CFAP97: variants seen among roughly 807,000 people sequenced by gnomAD.
The protein encoded by CFAP97 is cilia and flagella associated protein 97, also known as cilia- and flagella-associated protein 97.
Under a neutral mutation model 43.1 loss-of-function variants are expected in CFAP97, and 36 were observed. The ratio of observed to expected loss-of-function variants is 0.84; its 90% confidence interval spans 0.64 to 1.10. The LOEUF is 1.10. CFAP97 is among the 50% of genes least tolerant of loss of function. The pLI is 0.00. For missense variants in CFAP97, 657 were observed against 620.3 expected (o/e 1.06, Z -0.63); for synonymous variants, 228 against 225.7 (o/e 1.01, Z -0.09).
rs1017246473 is a variant in CFAP97, at chr4:185,191,258, A to G, written c.-16-46T>C. On this transcript the variant is annotated intron_variant, in intron 1 of 4. Transcript: ENST00000458385. ...TCAGACTAAAGAGTGATTTCCAAAT[A>G]CTTTCCATTTGTATACAATAATTAA... The G allele has an allele frequency of 3.1e-6, 4 of 1,292,528 alleles. No individual in the cohort carries two copies. In the African/African-American group the frequency reaches 4.5e-5, roughly 15 times the overall value. The allele number at this position is 1,292,528 out of a possible 1,614,324, so 80.1% of individuals were successfully genotyped here.
chr4:185,191,511 C>A (rs1736253808), intron 1 of CFAP97, among the ~76,000 whole-genome samples: 1 of 152,140 alleles, frequency 6.6e-6, no homozygotes. Flanking sequence ...TAAGGATAAT[C>A]TGCCTTCTAT....
chr4:185,190,199 T>A lies in CFAP97; in HGVS notation c.998A>T (p.His333Leu), dbSNP rs777738621. Reference sequence around the variant, plus strand: ...ATGTAAGACTTTCTGTTTATGTCTGTGGTCTAAACTGGAGTCTAACACTGA... The same window carrying A: ...ATGTAAGACTTTCTGTTTATGTCTGAGGTCTAAACTGGAGTCTAACACTGA... The part of the protein sequence containing the change: ...SSSVLDSSLD[H>L]RHKQKVLHDT... Residue 333 changes from histidine (H) to leucine (L), a missense_variant, in exon 2 of 5, where the codon CAC (histidine) becomes CTC (leucine). By Grantham distance (99) the His-to-Leu change is moderately conservative. Coordinates refer to ENST00000458385, the MANE Select transcript of CFAP97 (RefSeq NM_020827.3). The A allele has an allele frequency of 3.7e-6, 6 of 1,607,364 alleles. No homozygotes were observed. The African/African-American group carries it at 8.1e-5, about 22-fold the overall frequency.
chr4:185,209,641 G>A (rs905287300), upstream of CFAP97: 8 of 702,684 alleles, frequency 1.1e-5, no homozygotes, highest in Non-Finnish European at 1.0e-5. The surrounding 1 kb of genome is among the most constrained non-coding windows in gnomAD (Gnocchi z 5.2). Context: ...CGGCCCGGCA[G>A]CTACGGGCCC....
At chr4:185,202,915 C>A (rs537763594) in intron 1 of CFAP97, among the ~76,000 whole-genome samples, 1 of 151,442 alleles carries the variant, frequency 6.6e-6, no homozygotes, top group African/African-American at 2.4e-5. Context: ...GTAAGTGATT[C>A]AATTTACCAG....
upstream of CFAP97, among the ~76,000 whole-genome samples, chr4:185,207,499 T>G (rs188175389): frequency 1.3e-5 from 2 of 152,288 alleles, no homozygotes; most frequent in African/African-American, 4.8e-5. Context: ...ATTACAAGCT[T>G]GAGCCACCAC....
chr4:185,208,729 AAAAGAAAAAAAG>A (rs1418590472), upstream of CFAP97, among the ~76,000 whole-genome samples: 1 of 149,732 alleles, frequency 6.7e-6, no homozygotes, highest in Non-Finnish European at 1.5e-5. Flanking sequence ...GTCTCAAAAA[AAAAGAAAAAAAG>A]AAAGAAAGAA....
chr4:185,181,230 A>G (rs1735767684), intron 2 of CFAP97, among the ~76,000 whole-genome samples: 1 of 151,610 alleles, frequency 6.6e-6, no homozygotes, highest in African/African-American at 2.4e-5. Flanking sequence ...ACTGCACTCC[A>G]GCATGGGCAA....
In CFAP97 at chr4:185,209,430, C is replaced by T. The variant is rs1737368371; in HGVS notation, c.-179G>A. ...GGAGCGTGGGAAAGAGAGGTGTGCA[C>T]CGCGCTGGGTCGCGCCCTCTCCCCG... On this transcript the variant is annotated 5_prime_UTR_variant, in exon 1 of 3. Coordinates refer to the CFAP97 transcript ENST00000503223. The surrounding 1 kb of genome is among the most constrained non-coding windows in gnomAD (Gnocchi z 5.2). 6.6e-6 allele frequency: 1 copy of T among 152,292 alleles called. No homozygotes were observed. The highest frequency in any genetic ancestry group is 2.1e-4 in the South Asian group (1 of 4,838). The allele number at this position is 152,292 out of a possible 1,614,324, so 9.4% of individuals were successfully genotyped here. A position where few individuals can be genotyped will look rare whatever the true frequency, so the allele number is the denominator to read the frequency against.
chr4:185,163,564 A>G (rs1413837319), intron 4 of CFAP97, among the ~76,000 whole-genome samples: 1 of 151,782 alleles, frequency 6.6e-6, no homozygotes, highest in African/African-American at 2.4e-5. Context: ...TGATCACACA[A>G]CAAGCCTTAC....
chr4:185,180,566 T>A (rs574051073), intron 2 of CFAP97, among the ~76,000 whole-genome samples: 1 of 152,152 alleles, frequency 6.6e-6, no homozygotes, highest in South Asian at 2.1e-4. Flanking sequence ...GGTTCACCCA[T>A]GTAGCATTAT....
chr4:185,179,188 G>A (rs750715485), intron 2 of CFAP97, among the ~76,000 whole-genome samples: 3 of 152,108 alleles, frequency 2.0e-5, no homozygotes, highest in Non-Finnish European at 4.4e-5. Context: ...AGCTGGACCC[G>A]ACTGACATCC....
rs775277278 is a variant in CFAP97, at chr4:185,190,666, T to C, written c.531A>G (p.Leu177=). The C allele has an allele frequency of 1.0e-5, 16 of 1,578,790 alleles. No homozygotes were observed. Among genetic ancestry groups the C allele is most frequent in the Non-Finnish European group, 1.4e-5 (16 of 1,161,144 alleles). ...CKVSSSSSSS[L]SSSSSGSGTD... The stretch of plus-strand genomic sequence containing the variant: ...TACCTGAACCTGAAGATGAGGAAGA[T>C]AAAGAGGAGGAGGAAGAGGAGCTAA... Residue 177 remains leucine, a synonymous_variant, in exon 2 of 5, where the codon TTA becomes TTG. Transcript: ENST00000458385.
At chr4:185,189,999 G>C in intron 2 of CFAP97, 144 bp downstream of exon 2, 1 of 568,588 alleles carries the variant, frequency 1.8e-6, no homozygotes, top group Non-Finnish European at 2.9e-6. Context: ...TGGTAAAATA[G>C]AGTATTTGGT....
chr4:185,210,174 G>A, upstream of CFAP97: 4 of 984,894 alleles, frequency 4.1e-6, no homozygotes, highest in Non-Finnish European at 4.8e-6. The surrounding 1 kb of genome is among the most constrained non-coding windows in gnomAD (Gnocchi z 4.4). Flanking sequence ...TCGTCTGCCG[G>A]AGCCCGCGCG....
chr4:185,167,919 A>C (rs976244968), intron 3 of CFAP97, among the ~76,000 whole-genome samples: 1 of 151,186 alleles, frequency 6.6e-6, no homozygotes, highest in African/African-American at 2.4e-5. Flanking sequence ...GAATCACTTG[A>C]ACCTGGAAGG....
intron 2 of CFAP97, among the ~76,000 whole-genome samples, chr4:185,179,326 A>G (rs138846660): frequency 6.6e-6 from 1 of 152,232 alleles, no homozygotes; most frequent in African/African-American, 2.4e-5. Context: ...TAAATTAAAG[A>G]TTATTATAAT....
intron 2 of CFAP97, among the ~76,000 whole-genome samples, chr4:185,189,762 C>G (rs1702700864): frequency 6.6e-6 from 1 of 152,184 alleles, no homozygotes; most frequent in Non-Finnish European, 1.5e-5. Context: ...ATGAGGACGC[C>G]ACATCAGGTG....
At chr4:185,170,313 T>C in intron 3 of CFAP97, 2 of 624,390 alleles carry the variant, frequency 3.2e-6, no homozygotes. Context: ...GTCACTGCAC[T>C]CCAGCCTGGG....
At chr4:185,169,531 G>T in intron 3 of CFAP97, 1 of 807,278 alleles carries the variant, frequency 1.2e-6, no homozygotes, top group Non-Finnish European at 1.5e-6. Flanking sequence ...CCAGTCTCAG[G>T]TAGTATCTTT....
Sources: allele counts gnomAD v4.1 joint callset (sites outside exome capture counted in the v4.1 genomes callset), GRCh38; gene constraint gnomAD v4.1.1; non-coding constraint Gnocchi (gnomAD v3.1); transcripts MANE v1.5; gene names NCBI Gene and HGNC (gene_info 2026-07-23, HGNC 2026-07-21).